MTUS2: variants seen among roughly 807,000 people sequenced by gnomAD.
MTUS2 encodes the protein microtubule-associated tumor suppressor candidate 2.
MTUS2 carries 40 observed loss-of-function variants against 114.1 expected under a neutral mutation model. That is an observed-to-expected ratio of 0.35 (90% CI 0.27 to 0.46). The LOEUF (loss-of-function observed/expected upper bound fraction) is 0.46. Ranked by LOEUF, MTUS2 falls within the 20% of genes least tolerant of loss-of-function variation. MTUS2 has a pLI of 1.00. For synonymous variants in MTUS2, 688 were observed against 672.0 expected, an observed-to-expected ratio of 1.02 and a Z score of -0.37; for missense variants, 1,679 against 1,705.4, an observed-to-expected ratio of 0.98 and a Z score of 0.27.
At chr13:28,931,116 C>G (rs755031669) in intron 2 of MTUS2, among the ~76,000 whole-genome samples, 1 of 152,198 alleles carries the variant, frequency 6.6e-6, no homozygotes, top group Non-Finnish European at 1.5e-5. Context: ...GCCCTGGCCT[C>G]ACGCTCATTG....
intron 9 of MTUS2, chr13:29,477,078 C>T (rs1469464730): frequency 6.6e-6 from 1 of 152,240 alleles, no homozygotes; most frequent in Non-Finnish European, 1.5e-5. Flanking sequence ...AGGCCCCGTG[C>T]ACTGGGAAGT....
intron 2 of MTUS2, among the ~76,000 whole-genome samples, chr13:28,907,277 G>A (rs1490114803): frequency 4.6e-5 from 7 of 151,484 alleles, no homozygotes; most frequent in South Asian, 2.1e-4. Flanking sequence ...AGGAACAACC[G>A]GTACCAGCCA....
At chr13:29,201,333 C>T (rs1894946313) in intron 5 of MTUS2, among the ~76,000 whole-genome samples, 1 of 147,762 alleles carries the variant, frequency 6.8e-6, no homozygotes, top group African/African-American at 2.4e-5. Context: ...GAATGCAACC[C>T]CTGTTTTTTT....
intron 9 of MTUS2, among the ~76,000 whole-genome samples, chr13:29,475,930 A>G (rs1041978255): frequency 3.3e-5 from 5 of 152,182 alleles, no homozygotes; most frequent in African/African-American, 1.2e-4. Flanking sequence ...GTGTACAGTC[A>G]TGTCGTAGGC....
chr13:29,122,758 C>T (rs1252907461), intron 5 of MTUS2, among the ~76,000 whole-genome samples: 1 of 152,122 alleles, frequency 6.6e-6, no homozygotes, highest in Non-Finnish European at 1.5e-5. Context: ...GAAATTTCTA[C>T]CTTCTTGATC....
intron 7 of MTUS2, among the ~76,000 whole-genome samples, chr13:29,335,266 C>T (rs9579337): frequency 0.19 from 28,517 of 151,992 alleles, 2,739 homozygotes; most frequent in Non-Finnish European, 0.22. Flanking sequence ...AAATAAGCCC[C>T]GGTCTCCCAT....
intron 4 of MTUS2, among the ~76,000 whole-genome samples, chr13:29,099,066 A>G (rs1890300076): frequency 6.6e-6 from 1 of 152,352 alleles, no homozygotes; most frequent in Admixed American, 6.5e-5. Flanking sequence ...TGTGAACATG[A>G]TATCTGATAT....
chr13:28,928,924 T>C (rs139256262), intron 2 of MTUS2, among the ~76,000 whole-genome samples: 240 of 152,330 alleles, frequency 1.6e-3, no homozygotes, highest in African/African-American at 5.5e-3. Flanking sequence ...TGTGTGTGTG[T>C]CTGAAACACA....
At chr13:28,900,634 G>GAGT (rs1467123007) in intron 2 of MTUS2, among the ~76,000 whole-genome samples, 39 of 152,276 alleles carry the variant, frequency 2.6e-4, no homozygotes, top group African/African-American at 7.9e-4. Flanking sequence ...TTTGACTGCT[G>GAGT]AGTAGTAGTA....
At chr13:29,414,251 A>G (rs1362544145) in intron 8 of MTUS2, among the ~76,000 whole-genome samples, 4 of 78,888 alleles carry the variant, frequency 5.1e-5, no homozygotes, top group African/African-American at 1.5e-4. Flanking sequence ...TGGGAATTGA[A>G]CAATGAGATC....
intron 9 of MTUS2, among the ~76,000 whole-genome samples, chr13:29,450,097 G>A (rs1878583193): frequency 6.6e-6 from 1 of 152,168 alleles, no homozygotes; most frequent in Non-Finnish European, 1.5e-5. Flanking sequence ...CAGGTGGCAG[G>A]CTGGAAGAAG....
chr13:29,050,421 A>G (rs1438358632), intron 4 of MTUS2, among the ~76,000 whole-genome samples: 1 of 151,994 alleles, frequency 6.6e-6, no homozygotes, highest in Non-Finnish European at 1.5e-5. Context: ...TTACAAAGCA[A>G]GTGACCCCAT....
chr13:29,364,811 C>G (rs1870565980), intron 8 of MTUS2, among the ~76,000 whole-genome samples: 1 of 152,176 alleles, frequency 6.6e-6, no homozygotes, highest in South Asian at 2.1e-4. Context: ...ACATCAAGCT[C>G]TTTGTTGCTT....
At chr13:29,465,508 G>T (rs1003764968) in intron 9 of MTUS2, among the ~76,000 whole-genome samples, 1 of 152,188 alleles carries the variant, frequency 6.6e-6, no homozygotes, top group Non-Finnish European at 1.5e-5. Flanking sequence ...AGGTAATCGC[G>T]TAGGCTACCC....
intron 5 of MTUS2, among the ~76,000 whole-genome samples, chr13:29,174,772 T>C (rs575859254): frequency 7.9e-5 from 12 of 152,322 alleles, no homozygotes; most frequent in African/African-American, 2.9e-4. Context: ...GAAGGGTTTG[T>C]CCCTTTATCC....
At chr13:29,090,986 C>T (rs1889919354) in intron 4 of MTUS2, among the ~76,000 whole-genome samples, 2 of 152,090 alleles carry the variant, frequency 1.3e-5, no homozygotes, top group South Asian at 4.1e-4. Flanking sequence ...GAGAGTAGTC[C>T]ACTCTATTCT....
chr13:29,043,430 A>C (rs1192929967), intron 4 of MTUS2, among the ~76,000 whole-genome samples: 2 of 152,076 alleles, frequency 1.3e-5, no homozygotes, highest in East Asian at 1.9e-4. Flanking sequence ...TGTTCTGTAA[A>C]TATCTGTTAA....
At chr13:29,317,856 CATTCA>C (rs1274410131) in intron 6 of MTUS2, among the ~76,000 whole-genome samples, 1 of 152,202 alleles carries the variant, frequency 6.6e-6, no homozygotes, top group African/African-American at 2.4e-5. Context: ...GAACTGTTCC[CATTCA>C]ATTCATCTTA....
intron 8 of MTUS2, among the ~76,000 whole-genome samples, chr13:29,432,063 A>C (rs1378779229): frequency 6.8e-6 from 1 of 146,754 alleles, no homozygotes; most frequent in East Asian, 2.0e-4. Context: ...ATATTGCCCA[A>C]GTTTGTCTCA....
Sources: allele counts gnomAD v4.1 joint callset (sites outside exome capture counted in the v4.1 genomes callset), GRCh38; gene constraint gnomAD v4.1.1; transcripts MANE v1.5; gene names NCBI Gene and HGNC (gene_info 2026-07-23, HGNC 2026-07-21).